Variants in CCDC172 observed in about 807,000 individuals in gnomAD.
CCDC172 encodes the protein coiled-coil domain containing 172.
CCDC172 carries 30 observed loss-of-function variants against 38.0 expected under a neutral mutation model. The observed-to-expected ratio is 0.79, with a 90% CI of 0.59 to 1.07. CCDC172 has a LOEUF of 1.07. Ranked by LOEUF, CCDC172 falls within the 50% of genes least tolerant of loss-of-function variation. The pLI is 0.00. For missense variants in CCDC172, 297 were observed against 290.1 expected (o/e 1.02, Z -0.17); for synonymous variants, 78 against 88.3 (o/e 0.88, Z 0.66).
chr10:116,352,106 A>C (rs1053879505), intron 5 of CCDC172, among the ~76,000 whole-genome samples: 1 of 152,218 alleles, frequency 6.6e-6, no homozygotes, highest in African/African-American at 2.4e-5. Flanking sequence ...TTCATGTTCC[A>C]TCTTGTCACA....
chr10:116,352,744 T>C (rs1844945595), intron 5 of CCDC172, among the ~76,000 whole-genome samples: 1 of 151,068 alleles, frequency 6.6e-6, no homozygotes, highest in African/African-American at 2.4e-5. Context: ...CTAATCAACA[T>C]TATAGTGGGG....
At chr10:116,378,287 G>T in intron 7 of CCDC172, 136 bp from the exon 8 acceptor site, 1 of 885,822 alleles carries the variant, frequency 1.1e-6, no homozygotes, top group Non-Finnish European at 1.6e-6. Context: ...TGGAATTATA[G>T]ATAATTAAAA....
intron 5 of CCDC172, among the ~76,000 whole-genome samples, chr10:116,346,252 A>C (rs1257770455): frequency 6.8e-6 from 1 of 146,830 alleles, no homozygotes; most frequent in Admixed American, 7.0e-5. Flanking sequence ...AGATCGCGCC[A>C]TTGCACTCCA....
In CCDC172 at chr10:116,325,321, G is replaced by C. The variant is rs1002037731; in HGVS notation, c.98G>C (p.Arg33Thr). 7 of 1,613,516 alleles carry C rather than the reference G, an allele frequency of 4.3e-6. No homozygotes were observed. The highest frequency in any genetic ancestry group is 3.3e-5 in the Admixed American group (2 of 59,962). Residue 33 changes from arginine to threonine, a missense_variant, in exon 3 of 9, where the codon AGA becomes ACA. Coordinates refer to ENST00000333254, the MANE Select transcript of CCDC172 (RefSeq NM_198515.3). ...LMREVRSEIT[R>T]CREKIKKATE... ...ATTACAGTAAGGTCGGAAATAACCAGATGTCGTGAAAAAATTAAGAAAGCA... is the reference window on the plus strand; with the variant it reads ...ATTACAGTAAGGTCGGAAATAACCACATGTCGTGAAAAAATTAAGAAAGCA...
intron 5 of CCDC172, among the ~76,000 whole-genome samples, chr10:116,343,906 A>G (rs1844831980): frequency 6.6e-6 from 1 of 152,140 alleles, no homozygotes; most frequent in Admixed American, 6.6e-5. Flanking sequence ...TTCACATGCT[A>G]GATTTAGTCT....
intron 7 of CCDC172, among the ~76,000 whole-genome samples, chr10:116,364,677 C>T (rs1218086701): frequency 3.3e-5 from 5 of 152,070 alleles, no homozygotes; most frequent in African/African-American, 9.7e-5. Context: ...GCATTGAGCA[C>T]ACACACAAAT....
At chr10:116,368,437 C>T (rs1203870500) in intron 7 of CCDC172, among the ~76,000 whole-genome samples, 6 of 151,692 alleles carry the variant, frequency 4.0e-5, no homozygotes, top group African/African-American at 1.2e-4. Flanking sequence ...CTTTTTATTT[C>T]TCCTTTAAAA....
intron 5 of CCDC172, among the ~76,000 whole-genome samples, chr10:116,354,395 A>G (rs11197635): frequency 0.067 from 10,134 of 152,180 alleles, 573 homozygotes; most frequent in East Asian, 0.23. Context: ...CAGGTCCTGT[A>G]AGAATTATTC....
intron 3 of CCDC172, among the ~76,000 whole-genome samples, chr10:116,329,133 T>C (rs1844625649): frequency 6.6e-6 from 1 of 152,176 alleles, no homozygotes; most frequent in Non-Finnish European, 1.5e-5. Flanking sequence ...TTTGAAGTTC[T>C]CATTTAAAGA....
intron 6 of CCDC172, 61 bp downstream of exon 6, chr10:116,357,542 G>T: frequency 1.6e-6 from 2 of 1,270,266 alleles, no homozygotes; most frequent in Non-Finnish European, 1.1e-6. Context: ...GCATGATAAG[G>T]GCATATTATT....
chr10:116,378,546 A>G lies in CCDC172; in HGVS notation c.741+36A>G, dbSNP rs762257371. On this transcript the variant is annotated intron_variant, in intron 8 of 8. Transcript: ENST00000333254. ...ATTGATTGTTTAACTTTTGTTCAGC[A>G]TTATTTTACCTACTGGTAAGGAACG... 5 of 1,535,398 alleles carry G rather than the reference A, an allele frequency of 3.3e-6. No individual in the cohort carries two copies. In the African/African-American group the frequency reaches 6.9e-5, roughly 21 times the overall value.
intron 7 of CCDC172, among the ~76,000 whole-genome samples, chr10:116,367,420 T>C (rs1384616151): frequency 2.6e-5 from 4 of 152,162 alleles, no homozygotes; most frequent in African/African-American, 9.7e-5. Flanking sequence ...CCAGGCGCGG[T>C]GGCTTATGCC....
At chr10:116,337,023 A>G (rs998248463) in intron 3 of CCDC172, among the ~76,000 whole-genome samples, 2 of 151,770 alleles carry the variant, frequency 1.3e-5, no homozygotes, top group African/African-American at 4.9e-5. Context: ...CCCAAGAGGA[A>G]TAAAACAAGG....
At chr10:116,375,905 A>G (rs1845238873) in intron 7 of CCDC172, among the ~76,000 whole-genome samples, 1 of 152,190 alleles carries the variant, frequency 6.6e-6, no homozygotes, top group Admixed American at 6.5e-5. Context: ...GAGAAATAGG[A>G]ACACTTGTAC....
At chr10:116,377,287 C>T (rs1845257938) in intron 7 of CCDC172, among the ~76,000 whole-genome samples, 2 of 152,088 alleles carry the variant, frequency 1.3e-5, no homozygotes, top group Non-Finnish European at 1.5e-5. Context: ...TGGTTCAAGG[C>T]CCCTTTGATT....
chr10:116,360,736 G>A (rs1196585930), intron 7 of CCDC172, among the ~76,000 whole-genome samples: 1 of 151,992 alleles, frequency 6.6e-6, no homozygotes, highest in Non-Finnish European at 1.5e-5. Flanking sequence ...GCCTCAGAGA[G>A]CGTGTTTTCC....
chr10:116,334,582 C>G (rs1844706733), intron 3 of CCDC172, among the ~76,000 whole-genome samples: 1 of 151,748 alleles, frequency 6.6e-6, no homozygotes, highest in African/African-American at 2.4e-5. Flanking sequence ...GCGTAGTATT[C>G]CATTAAATGT....
Position 116,340,820 on chromosome 10 carries a change from A to G in CCDC172, c.252A>G (p.Thr84=). The G allele has an allele frequency of 1.9e-6, 3 of 1,589,070 alleles. No individual in the cohort carries two copies. Among genetic ancestry groups the G allele is most frequent in the Non-Finnish European group, 2.6e-6 (3 of 1,159,720 alleles). ...NALEKQYSEI[T]NHRNMLLQTF... is the part of the protein sequence containing the mutation. ...TAGAAAAACAGTACAGTGAAATTAC[A>G]AACCATAGGAATATGCTTCTTCAAA... Residue 84 remains threonine, a synonymous_variant, in exon 4 of 9, where the codon ACA becomes ACG. Coordinates refer to ENST00000333254, the MANE Select transcript of CCDC172 (RefSeq NM_198515.3).
intron 5 of CCDC172, among the ~76,000 whole-genome samples, chr10:116,345,969 C>T (rs1001277192): frequency 1.3e-5 from 2 of 152,072 alleles, no homozygotes; most frequent in Admixed American, 6.6e-5. Context: ...GAGATGAAAC[C>T]TATATCCTAA....
Sources: allele counts gnomAD v4.1 joint callset (sites outside exome capture counted in the v4.1 genomes callset), GRCh38; gene constraint gnomAD v4.1.1; transcripts MANE v1.5; gene names NCBI Gene and HGNC (gene_info 2026-07-23, HGNC 2026-07-21).